GP2: variants seen among roughly 807,000 people sequenced by gnomAD.
GP2 encodes pancreatic secretory granule membrane major glycoprotein GP2.
GP2 carries 58 observed loss-of-function variants against 60.8 expected under a neutral mutation model. That is an observed-to-expected ratio of 0.95 (90% CI 0.77 to 1.19). The LOEUF is 1.19. Ranked by LOEUF, GP2 falls within the 50% of genes most tolerant of loss-of-function variation. GP2 has a pLI of 0.00. For missense variants in GP2, 647 were observed against 667.4 expected (o/e 0.97, Z 0.34); for synonymous variants, 280 against 253.4 (o/e 1.10, Z -1.00).
intron 4 of GP2, among the ~76,000 whole-genome samples, chr16:20,320,883 C>A (rs938137279): frequency 6.6e-6 from 1 of 152,158 alleles, no homozygotes; most frequent in Non-Finnish European, 1.5e-5. Flanking sequence ...CTGCCAGGCA[C>A]TGGGGCTACA....
At chr16:20,321,712 A>G (rs1964361470) in intron 4 of GP2, among the ~76,000 whole-genome samples, 1 of 152,210 alleles carries the variant, frequency 6.6e-6, no homozygotes, top group South Asian at 2.1e-4. Context: ...TTCAGAGTTC[A>G]GAGGCGCAGG....
intron 4 of GP2, 77 bp downstream of exon 4, chr16:20,322,792 A>T (rs528204187): frequency 5.1e-6 from 4 of 789,194 alleles, no homozygotes; most frequent in Non-Finnish European, 6.7e-6. Flanking sequence ...TTTATACCTT[A>T]TCTTGACCCT....
rs150114387 is a variant in GP2 at position 20,319,750 on chromosome 16, T to A, written c.877A>T (p.Ile293Phe). 4.4e-5 allele frequency: 71 copies of A among 1,613,212 alleles called. No homozygotes were observed. The African/African-American group carries it at 7.3e-4, about 17-fold the overall frequency. Residue 293 changes from isoleucine to phenylalanine, a missense_variant, in exon 6 of 11, where the codon ATC becomes TTC. By Grantham distance (21) the Ile-to-Phe change is conservative (BLOSUM62 0). Transcript: ENST00000302555. ...ACCAAGGAGAGGGTGTTTTTGTAGA[T>A]GGCATGGGTTTGATTTCTCTTTGGC... is the stretch of plus-strand genomic sequence containing the variant. ...NILERNQTHA[I>F]YKNTLSLVND...
intron 3 of GP2, 126 bp from the exon 4 acceptor site, chr16:20,323,105 G>T: frequency 1.6e-6 from 1 of 637,002 alleles, no homozygotes. Flanking sequence ...ATACTTAGTG[G>T]AAGCATCAAG....
chr16:20,315,502 T>G (rs533938113), intron 9 of GP2, among the ~76,000 whole-genome samples: 64 of 152,136 alleles, frequency 4.2e-4, no homozygotes, highest in Non-Finnish European at 8.1e-4. Flanking sequence ...GAAAACAAAG[T>G]TGCATTTAGA....
At chr16:20,322,695 C>T (rs1390095794) in intron 4 of GP2, among the ~76,000 whole-genome samples, 174 bp downstream of exon 4, 2 of 152,198 alleles carry the variant, frequency 1.3e-5, no homozygotes, top group African/African-American at 2.4e-5. Context: ...ACCCTGCCCT[C>T]CTATCCTTGC....
Position 20,311,047 on chromosome 16 carries a change from G to A in GP2, c.*176C>T. On this transcript the variant is annotated 3_prime_UTR_variant, in exon 11 of 11. Transcript: ENST00000302555. Reference sequence around the variant, plus strand: ...GCTGGGATTACAGGCATGAGCCACTGCGCCCAGCCGAGAGTTTTAAAGAAG... The same window carrying A: ...GCTGGGATTACAGGCATGAGCCACTACGCCCAGCCGAGAGTTTTAAAGAAG... The A allele has an allele frequency of 5.8e-6, 3 of 514,868 alleles. No individual in the cohort carries two copies. In the South Asian group the frequency reaches 6.9e-5, roughly 12 times the overall value. 31.9% of individuals were successfully genotyped at this position (514,868 alleles called of 1,614,324 possible).
At chr16:20,322,536 A>G (rs1344149221) in intron 4 of GP2, among the ~76,000 whole-genome samples, 1 of 152,182 alleles carries the variant, frequency 6.6e-6, no homozygotes, top group Non-Finnish European at 1.5e-5. Context: ...CATGTCCCTG[A>G]CATGAAGACC....
Position 20,318,429 on chromosome 16 carries a change from A to T in GP2, c.1009T>A (p.Ser337Thr). ...LQAALQPIVS[S>T]LNVSVDGNGE... The stretch of plus-strand genomic sequence containing the variant: ...TTCCCGTCCACACTGACGTTCAGGG[A>T]ACTGAGAAAAAGAAAGCCACAAGAG... The change falls in exon 7 of 11, where the codon TCC becomes ACC. Residue 337 changes from serine (S) to threonine (T), a missense_variant and splice_region_variant. Transcript: ENST00000302555. 1 of 1,612,140 alleles carries T rather than the reference A, an allele frequency of 6.2e-7. No homozygotes were observed. The highest frequency in any genetic ancestry group is 8.5e-7 in the Non-Finnish European group (1 of 1,178,418).
At chr16:20,317,432 A>G in intron 7 of GP2, 57 bp from the exon 8 acceptor site, 2 of 1,368,196 alleles carry the variant, frequency 1.5e-6, no homozygotes, top group African/African-American at 1.4e-5. Flanking sequence ...GGAGAAAATT[A>G]AAGAGTCCCT....
Position 20,320,295 on chromosome 16 carries a change from G to A in GP2, c.825C>T (p.Pro275=), listed in dbSNP as rs770127894. ...TGTTCCTGCAGGCACTAGCCTGGAC[G>A]GGGCTGGTCACAGATACCCAGTTCC... is the stretch of plus-strand genomic sequence containing the variant. ...EERNWVSVTS[P]VQASACRNIL... is the part of the protein sequence containing the mutation. The change falls in exon 5 of 11, where the codon CCC becomes CCT. Residue 275 remains proline (P), a synonymous_variant. Transcript: ENST00000302555. 1.2e-5 allele frequency: 19 copies of A among 1,613,874 alleles called. No homozygotes were observed. Among genetic ancestry groups the A allele is most frequent in the East Asian group, 2.2e-5 (1 of 44,890 alleles).
At chr16:20,317,085 C>T (rs981746228) in intron 8 of GP2, 128 bp downstream of exon 8, 4 of 527,890 alleles carry the variant, frequency 7.6e-6, no homozygotes, top group African/African-American at 1.9e-5. Context: ...CCTTCTCTTC[C>T]TGTCCCTCCC....
At chr16:20,322,245 A>G (rs537050937) in intron 4 of GP2, among the ~76,000 whole-genome samples, 2 of 152,328 alleles carry the variant, frequency 1.3e-5, no homozygotes, top group South Asian at 4.1e-4. Flanking sequence ...GTTAGAGTTC[A>G]GTGATGGAGG....
intron 6 of GP2, among the ~76,000 whole-genome samples, chr16:20,318,631 G>A (rs775736930): frequency 1.1e-4 from 16 of 152,112 alleles, no homozygotes; most frequent in African/African-American, 1.9e-4. Context: ...GATTTCCACC[G>A]ATCCTCCCTG....
chr16:20,319,589 A>AT (rs1197612042), intron 6 of GP2, 31 bp downstream of exon 6: 2 of 1,559,728 alleles, frequency 1.3e-6, no homozygotes, highest in East Asian at 4.5e-5. Flanking sequence ...TGCCAGGGTT[A>AT]TGGGTCAAAG....
Position 20,324,106 on chromosome 16 carries a change from G to A in GP2, c.245C>T (p.Ser82Phe). 1.9e-6 allele frequency: 3 copies of A among 1,614,124 alleles called. No homozygotes were observed. The highest frequency in any genetic ancestry group is 2.5e-6 in the Non-Finnish European group (3 of 1,179,964). The part of the protein sequence containing the change: ...PFRSTENSAG[S>F]QGCDKNMSGW... ...GCTCATGTTTTTATCGCACCCCTGG[G>A]ACCCTGCTGAGTTCTCTGTGCTTCG... The change falls in exon 3 of 11, where the codon TCC (serine) becomes TTC (phenylalanine). Residue 82 changes from serine to phenylalanine, a missense_variant. By Grantham distance (155) the Ser-to-Phe change is radical. Coordinates refer to ENST00000302555, the MANE Select transcript of GP2 (RefSeq NM_001502.4).
In GP2 at chr16:20,310,882, G is replaced by A. The variant is rs770204368; in HGVS notation, c.*341C>T. 1.0e-5 allele frequency: 2 copies of A among 199,266 alleles called. No homozygotes were observed. Among genetic ancestry groups the A allele is most frequent in the Non-Finnish European group, 2.1e-5 (2 of 97,024 alleles). 12.3% of individuals were successfully genotyped at this position (199,266 alleles called of 1,614,324 possible). On this transcript the variant is annotated 3_prime_UTR_variant, in exon 11 of 11. Coordinates refer to ENST00000302555, the MANE Select transcript of GP2 (RefSeq NM_001502.4). ...AGCAATTCTCCTGCCTTGGCCTCCC[G>A]AGTAGCTGGGATTACAGGCGCCTGC...
intron 2 of GP2, among the ~76,000 whole-genome samples, chr16:20,325,767 GA>G (rs1189789247): frequency 6.6e-6 from 1 of 152,094 alleles, no homozygotes; most frequent in Non-Finnish European, 1.5e-5. Context: ...GGGCCTTTCA[GA>G]AAAAAAGATT....
chr16:20,325,166 C>T (rs1437224975), intron 2 of GP2, among the ~76,000 whole-genome samples: 1 of 152,230 alleles, frequency 6.6e-6, no homozygotes, highest in Admixed American at 6.5e-5. Flanking sequence ...TCCAATTCTA[C>T]ACCTGCTGGC....
Sources: allele counts gnomAD v4.1 joint callset (sites outside exome capture counted in the v4.1 genomes callset), GRCh38; gene constraint gnomAD v4.1.1; transcripts MANE v1.5; gene names NCBI Gene and HGNC (gene_info 2026-07-23, HGNC 2026-07-21).